Variants in DLGAP1 observed in about 807,000 individuals in gnomAD.
DLGAP1 encodes DLG associated protein 1.
DLGAP1 carries 11 observed loss-of-function variants against 90.8 expected under a neutral mutation model. The observed-to-expected ratio is 0.12, with a 90% confidence interval of 0.08 to 0.20. The LOEUF (loss-of-function observed/expected upper bound fraction) is 0.20. Ranked by LOEUF, DLGAP1 falls within the 10% of genes least tolerant of loss-of-function variation. DLGAP1 has a pLI of 1.00. For synonymous variants in DLGAP1, 558 were observed against 540.7 expected (o/e 1.03, Z -0.44); for missense variants, 1,050 against 1,333.8 (o/e 0.79, Z 3.31).
intron 8 of DLGAP1, among the ~76,000 whole-genome samples, chr18:3,567,991 C>T (rs1261881139): frequency 1.3e-5 from 2 of 151,932 alleles, no homozygotes; most frequent in Non-Finnish European, 2.9e-5. Context: ...CTCCGCCTCC[C>T]GGGTTCAAGG....
chr18:4,298,646 A>G (rs577333342), intron 1 of DLGAP1, among the ~76,000 whole-genome samples: 2 of 152,242 alleles, frequency 1.3e-5, no homozygotes, highest in South Asian at 4.2e-4. Flanking sequence ...AAGGGGAGGG[A>G]AAGCATCGGG....
chr18:3,816,281 T>C (rs2067102939), intron 4 of DLGAP1, among the ~76,000 whole-genome samples: 2 of 152,206 alleles, frequency 1.3e-5, no homozygotes, highest in South Asian at 4.1e-4. Context: ...CAAAATTTTA[T>C]GATTTATGTC....
intron 4 of DLGAP1, among the ~76,000 whole-genome samples, chr18:3,819,739 C>T (rs2067300937): frequency 6.6e-6 from 1 of 152,120 alleles, no homozygotes; most frequent in South Asian, 2.1e-4. Context: ...GTCTGCCATT[C>T]ACAGTTCAGG....
At chr18:3,521,644 C>T (rs1003117399) in intron 10 of DLGAP1, among the ~76,000 whole-genome samples, 1 of 152,202 alleles carries the variant, frequency 6.6e-6, no homozygotes, top group African/African-American at 2.4e-5. Flanking sequence ...TCCCTCCTCA[C>T]TGCTCCTAAA....
At position 3,729,343 on chromosome 18, in the gene DLGAP1, C is replaced by T. The variant is rs373754921; in HGVS notation, c.1383G>A (p.Glu461=). 493 of 1,613,802 alleles carry T rather than the reference C, an allele frequency of 3.1e-4. No individual in the cohort carries two copies. Among genetic ancestry groups the T allele is most frequent in the Non-Finnish European group, 3.9e-4 (461 of 1,179,766 alleles). ...CGCTGAACACGGACTCGCACACGGA[C>T]TCGAACTGCCCGTTCACTTCCATCT... The part of the protein sequence containing the change: ...VSEMEVNGQF[E]SVCESVFSEL... Residue 461 remains glutamate, a synonymous_variant, in exon 7 of 13, where the codon GAG becomes GAA. Transcript: ENST00000315677. This position sits in a 1 kb window ranked among gnomAD's most constrained non-coding sequence, Gnocchi z 6.2.
At chr18:3,818,618 T>C (rs1197173588) in intron 4 of DLGAP1, among the ~76,000 whole-genome samples, 1 of 151,302 alleles carries the variant, frequency 6.6e-6, no homozygotes, top group African/African-American at 2.4e-5. Context: ...CTTTTTTTTT[T>C]TGAGGTGGTG....
At chr18:4,417,376 A>AT (rs1372121079) in intron 1 of DLGAP1, among the ~76,000 whole-genome samples, 12 of 152,162 alleles carry the variant, frequency 7.9e-5, no homozygotes, top group African/African-American at 2.7e-4. Flanking sequence ...ATTGATAAAT[A>AT]TTTTAAAATA....
chr18:3,977,841 A>G, intron 3 of DLGAP1: 1 of 392,582 alleles, frequency 2.5e-6, no homozygotes, highest in Non-Finnish European at 5.0e-6. Flanking sequence ...GGATGCCCTC[A>G]AGGGTCCCCT....
intron 7 of DLGAP1, among the ~76,000 whole-genome samples, chr18:3,640,446 C>T (rs1381171985): frequency 2.0e-5 from 3 of 152,226 alleles, no homozygotes; most frequent in Non-Finnish European, 4.4e-5. Context: ...AGACAGACAG[C>T]GGGCGCTCTC....
intron 1 of DLGAP1, among the ~76,000 whole-genome samples, chr18:4,449,508 T>C (rs889349621): frequency 1.3e-5 from 2 of 152,220 alleles, no homozygotes; most frequent in East Asian, 3.9e-4. Flanking sequence ...CTCAGAGTTA[T>C]GGCCCTTATG....
intron 2 of DLGAP1, among the ~76,000 whole-genome samples, chr18:4,008,934 C>T (rs1012568840): frequency 6.6e-6 from 1 of 151,854 alleles, no homozygotes; most frequent in African/African-American, 2.4e-5. Context: ...AACGGAGTCT[C>T]GCTCCGTCGC....
rs558753003 is a variant in DLGAP1, at chr18:3,713,272, C to T, written c.1591+15863G>A. ...GGACTCCCAGTTGCCTTTTCCAGAA[C>T]ATGCAATTGGTGCCATAATCTACAA... On this transcript the variant is annotated intron_variant, in intron 7 of 12. Coordinates refer to ENST00000315677, the MANE Select transcript of DLGAP1 (RefSeq NM_004746.4). 3.3e-5 allele frequency among the ~76,000 whole-genome samples: 5 copies of T among 152,326 alleles called. No individual in the cohort carries two copies. In the South Asian group the frequency reaches 1.0e-3, roughly 32 times the overall value.
At chr18:4,266,639 T>C (rs560546467) in intron 1 of DLGAP1, among the ~76,000 whole-genome samples, 102 of 152,206 alleles carry the variant, frequency 6.7e-4, no homozygotes, top group South Asian at 2.1e-4. Flanking sequence ...CAAATTTCTA[T>C]CTAAAGACAG....
intron 7 of DLGAP1, among the ~76,000 whole-genome samples, chr18:3,622,844 G>A (rs1405406383): frequency 2.0e-5 from 3 of 150,958 alleles, no homozygotes; most frequent in South Asian, 2.1e-4. Flanking sequence ...TCTCTCTGTC[G>A]CCCAGGCTGG....
At chr18:3,567,399 C>T (rs1029887560) in intron 9 of DLGAP1, 91 bp downstream of exon 9, 6 of 1,087,672 alleles carry the variant, frequency 5.5e-6, no homozygotes, top group Non-Finnish European at 8.2e-6. Context: ...AGGAAAATAT[C>T]ATTGAATTTT....
intron 3 of DLGAP1, chr18:3,897,043 G>A (rs980923975): frequency 1.3e-5 from 2 of 152,202 alleles, no homozygotes; most frequent in African/African-American, 2.4e-5. Flanking sequence ...TCATCAAACC[G>A]AAGAATAAAA....
At chr18:3,822,572 T>C (rs911979853) in intron 4 of DLGAP1, among the ~76,000 whole-genome samples, 1 of 152,240 alleles carries the variant, frequency 6.6e-6, no homozygotes, top group Non-Finnish European at 1.5e-5. Context: ...TAAATCTCAG[T>C]ACCTCTGAAT....
intron 3 of DLGAP1, among the ~76,000 whole-genome samples, chr18:3,897,996 T>G (rs11877269): frequency 0.13 from 19,383 of 151,534 alleles, 1,500 homozygotes; most frequent in African/African-American, 0.22. Flanking sequence ...GGGTTTCACC[T>G]TGTTAGCCAG....
chr18:3,812,328 C>T (rs927194117), intron 5 of DLGAP1, among the ~76,000 whole-genome samples: 16 of 152,044 alleles, frequency 1.1e-4, no homozygotes, highest in Admixed American at 2.0e-4. Flanking sequence ...CTGCTAGGCG[C>T]GCCAAAGTGC....
Sources: gnomAD v4.1 joint callset for allele counts (sites outside exome capture counted in the v4.1 genomes callset) on GRCh38, gnomAD v4.1.1 for gene constraint, Gnocchi (gnomAD v3.1) non-coding constraint, MANE v1.5 for transcripts, NCBI Gene and HGNC (gene_info 2026-07-23, HGNC 2026-07-21) for gene names.